The following NFIA variants were observed in gnomAD, a reference collection of about 807,000 sequenced individuals.
NFIA encodes nuclear factor 1 A-type.
Under a neutral mutation model 62.8 loss-of-function variants are expected in NFIA, and 8 were observed. The observed-to-expected ratio is 0.13, with a 90% CI of 0.07 to 0.23. NFIA has a LOEUF of 0.23. Among genes scored for constraint, NFIA ranks in the 10% least tolerant of loss-of-function variants. The pLI is 1.00. For synonymous variants in NFIA, 235 were observed against 238.1 expected, an observed-to-expected ratio of 0.99 and a Z score of 0.12; for missense variants, 410 against 642.1, an observed-to-expected ratio of 0.64 and a Z score of 3.91.
At chr1:61,408,719 G>A (rs1365580092) in intron 9 of NFIA, among the ~76,000 whole-genome samples, 1 of 152,212 alleles carries the variant, frequency 6.6e-6, no homozygotes, top group African/African-American at 2.4e-5. Flanking sequence ...GGCTGTTCAA[G>A]TCTAAAGGAT....
In NFIA at chr1:61,319,790, AACACACACACACACACACACACAC is replaced by A. The variant is rs58845526; in HGVS notation, c.626-12699_626-12676del. 9.3e-5 allele frequency among the ~76,000 whole-genome samples: 13 copies of A among 139,618 alleles called. No homozygotes were observed. The South Asian group carries it at 9.5e-4, about 10-fold the overall frequency. The allele number at this position is 139,618 out of a possible 152,430, so 91.6% of individuals were successfully genotyped here. A position where few individuals can be genotyped will look rare whatever the true frequency, so the allele number is the denominator to read the frequency against. On this transcript the variant is annotated intron_variant, in intron 3 of 10. Coordinates refer to ENST00000403491, the MANE Select transcript of NFIA (RefSeq NM_001134673.4). ...CAATGATTTCTTCCTGGAAGAATTAAACACACACACACACACACACACACACACACACACACACACACACACCAA... is the reference window on the plus strand; with the variant it reads ...CAATGATTTCTTCCTGGAAGAATTAAACACACACACACACACACACACCAA...
chr1:61,177,076 A>C (rs182834401), intron 2 of NFIA, among the ~76,000 whole-genome samples: 1 of 152,072 alleles, frequency 6.6e-6, no homozygotes, highest in Non-Finnish European at 1.5e-5. Flanking sequence ...ACTGCACTCC[A>C]GCCTGGGCGA....
At chr1:61,095,975 T>C (rs1646404668) in intron 2 of NFIA, among the ~76,000 whole-genome samples, 1 of 152,048 alleles carries the variant, frequency 6.6e-6, no homozygotes, top group Admixed American at 6.5e-5. Context: ...CAGAGAAATA[T>C]ATATCTATTT....
intron 3 of NFIA, among the ~76,000 whole-genome samples, chr1:61,301,174 TAACA>T (rs10579394): frequency 0.46 from 69,688 of 151,492 alleles, 18,695 homozygotes; most frequent in Admixed American, 0.65. Context: ...GGTGATATGC[TAACA>T]GTCAGTGCTA....
At chr1:61,121,106 G>C (rs1646880063) in intron 2 of NFIA, among the ~76,000 whole-genome samples, 1 of 152,204 alleles carries the variant, frequency 6.6e-6, no homozygotes, top group African/African-American at 2.4e-5. Flanking sequence ...CAATGGAGTG[G>C]ACTGAGGACA....
At position 61,082,672 on chromosome 1, in the gene NFIA, TTCTCTCTCTCTC is replaced by T; in HGVS notation, c.-106_-95del. 5 of 1,446,902 alleles carry T rather than the reference TTCTCTCTCTCTC, an allele frequency of 3.5e-6. No individual in the cohort carries two copies. Among genetic ancestry groups the T allele is most frequent in the African/African-American group, 1.5e-5 (1 of 67,018 alleles). 89.6% of individuals were successfully genotyped at this position (1,446,902 alleles called of 1,614,324 possible). A position where few individuals can be genotyped will look rare whatever the true frequency, so the allele number is the denominator to read the frequency against. ...AGGCTTGATTTTTTTTTCTCCCCCC[TTCTCTCTCTCTC>T]TCTCTCTCTCTCTTCCTCTCTCCCT... On this transcript the variant is annotated 5_prime_UTR_variant, in exon 1 of 11. Coordinates refer to ENST00000403491, the MANE Select transcript of NFIA (RefSeq NM_001134673.4).
chr1:61,127,805 C>A (rs1647002220), intron 2 of NFIA, among the ~76,000 whole-genome samples: 1 of 152,072 alleles, frequency 6.6e-6, no homozygotes, highest in East Asian at 1.9e-4. Context: ...TTTTCCCCTA[C>A]TTTTCTTTGT....
chr1:61,283,581 C>CAAAAAAAAAAAAAAAA (rs576613886), intron 3 of NFIA, among the ~76,000 whole-genome samples: 603 of 36,678 alleles, frequency 0.016, 45 homozygotes, highest in Non-Finnish European at 0.026. Flanking sequence ...GACTCTGTCT[C>CAAAAAAAAAAAAAAAA]AAAAAAAAAA....
intron 1 of NFIA, among the ~76,000 whole-genome samples, chr1:61,087,210 C>T (rs891322553): frequency 1.1e-4 from 16 of 151,636 alleles, no homozygotes; most frequent in Admixed American, 2.0e-4. Context: ...AGGGTTTTCC[C>T]GGCATCTTGT....
At chr1:61,124,171 T>C (rs1165276543) in intron 2 of NFIA, among the ~76,000 whole-genome samples, 2 of 152,208 alleles carry the variant, frequency 1.3e-5, no homozygotes, top group Admixed American at 6.5e-5. Flanking sequence ...TCTAGCTGTG[T>C]ATGATCATTG....
chr1:61,145,012 T>G (rs1334724132), intron 2 of NFIA, among the ~76,000 whole-genome samples: 1 of 152,220 alleles, frequency 6.6e-6, no homozygotes, highest in Non-Finnish European at 1.5e-5. Flanking sequence ...TGACATTGCC[T>G]TCCCCTTTAC....
At chr1:61,453,284 C>A (rs1470549649) in intron 10 of NFIA, among the ~76,000 whole-genome samples, 1 of 151,844 alleles carries the variant, frequency 6.6e-6, no homozygotes, top group African/African-American at 2.4e-5. Context: ...AGCAACCAGA[C>A]ATGATGTAAC....
In NFIA at chr1:61,082,688, CT is replaced by C; in HGVS notation, c.-103del. 1 of 1,541,364 alleles carries C rather than the reference CT, an allele frequency of 6.5e-7. No individual in the cohort carries two copies. On this transcript the variant is annotated 5_prime_UTR_variant, in exon 1 of 11. Coordinates refer to ENST00000403491, the MANE Select transcript of NFIA (RefSeq NM_001134673.4). ...TCTCCCCCCTTCTCTCTCTCTCTCT[CT>C]CTCTCTCTTCCTCTCTCCCTCTTTC...
intron 4 of NFIA, among the ~76,000 whole-genome samples, chr1:61,337,082 A>G (rs1661651651): frequency 6.6e-6 from 1 of 152,070 alleles, no homozygotes; most frequent in South Asian, 2.1e-4. Flanking sequence ...CTATGTCCTA[A>G]GTGTGTTGTT....
intron 2 of NFIA, among the ~76,000 whole-genome samples, chr1:61,130,198 A>G (rs976693555): frequency 6.6e-6 from 1 of 152,200 alleles, no homozygotes; most frequent in Non-Finnish European, 1.5e-5. Context: ...TCAGGTAGGA[A>G]GAAGAGAAAA....
intron 4 of NFIA, among the ~76,000 whole-genome samples, chr1:61,340,593 A>C (rs1392210700): frequency 2.0e-5 from 3 of 152,262 alleles, no homozygotes; most frequent in Admixed American, 2.0e-4. Context: ...TAGATGCTCA[A>C]CAATGATAAC....
intron 2 of NFIA, among the ~76,000 whole-genome samples, chr1:61,123,759 C>T (rs1646926231): frequency 6.6e-6 from 1 of 152,140 alleles, no homozygotes; most frequent in African/African-American, 2.4e-5. Context: ...AACCTCTTTC[C>T]TCACATTGCA....
intron 10 of NFIA, among the ~76,000 whole-genome samples, chr1:61,449,243 A>T (rs1219975448): frequency 6.6e-6 from 1 of 152,020 alleles, no homozygotes; most frequent in East Asian, 1.9e-4. Context: ...AGACATGGTC[A>T]TGTGGCACGA....
intron 2 of NFIA, among the ~76,000 whole-genome samples, chr1:61,093,973 G>A (rs1274172900): frequency 1.3e-5 from 2 of 152,208 alleles, no homozygotes; most frequent in Non-Finnish European, 2.9e-5. Context: ...TGCTTCCAGA[G>A]GACACGGGAC....
Sources: allele counts gnomAD v4.1 joint callset (sites outside exome capture counted in the v4.1 genomes callset), GRCh38; gene constraint gnomAD v4.1.1; transcripts MANE v1.5; gene names NCBI Gene and HGNC (gene_info 2026-07-23, HGNC 2026-07-21).